CCDC148: variants seen among roughly 807,000 people sequenced by gnomAD.
The protein encoded by CCDC148 is coiled-coil domain containing 148.
CCDC148 carries 89 observed loss-of-function variants against 85.7 expected under a neutral mutation model. The ratio of observed to expected loss-of-function variants is 1.04; its 90% CI spans 0.87 to 1.24. CCDC148 has a LOEUF of 1.24. Among genes scored for constraint, CCDC148 ranks in the 50% most tolerant of loss-of-function variants. The pLI is 0.00. For synonymous variants in CCDC148, 230 were observed against 213.9 expected (o/e 1.08, Z -0.66); for missense variants, 692 against 671.7 (o/e 1.03, Z -0.33).
At chr2:158,298,920 A>G (rs1326450437) in intron 9 of CCDC148, among the ~76,000 whole-genome samples, 2 of 151,958 alleles carry the variant, frequency 1.3e-5, no homozygotes, top group Non-Finnish European at 2.9e-5. Flanking sequence ...GGTAATTTTC[A>G]TCATATTTTG....
intron 10 of CCDC148, among the ~76,000 whole-genome samples, chr2:158,234,656 C>T (rs1489723113): frequency 1.3e-5 from 2 of 152,026 alleles, no homozygotes; most frequent in Non-Finnish European, 2.9e-5. Context: ...TCCCAAGTTG[C>T]AAGATTTGCA....
intron 11 of CCDC148, among the ~76,000 whole-genome samples, chr2:158,216,980 C>T (rs976521224): frequency 4.6e-5 from 7 of 152,028 alleles, no homozygotes; most frequent in African/African-American, 1.7e-4. Flanking sequence ...AGTTAAATAA[C>T]TCATCTAAAG....
intron 11 of CCDC148, among the ~76,000 whole-genome samples, chr2:158,187,529 G>A (rs1685211880): frequency 6.6e-6 from 1 of 151,954 alleles, no homozygotes; most frequent in South Asian, 2.1e-4. Context: ...TCTGGCCTCT[G>A]TCCACTCCAC....
chr2:158,378,617 G>C (rs1036921578), intron 1 of CCDC148, among the ~76,000 whole-genome samples: 1 of 152,124 alleles, frequency 6.6e-6, no homozygotes, highest in Admixed American at 6.6e-5. Flanking sequence ...AGATTCAAAG[G>C]ACAGGCTGAC....
At chr2:158,179,034 A>G in intron 11 of CCDC148, 38 bp from the exon 12 acceptor site, 1 of 1,473,754 alleles carries the variant, frequency 6.8e-7, no homozygotes, top group South Asian at 1.1e-5. Context: ...TGGAAGCATC[A>G]TAATAATATT....
chr2:158,360,072 G>C (rs1683864034), intron 1 of CCDC148, among the ~76,000 whole-genome samples: 1 of 152,216 alleles, frequency 6.6e-6, no homozygotes, highest in Non-Finnish European at 1.5e-5. Flanking sequence ...AGTTCCAACT[G>C]GGCGGAGCCC....
chr2:158,401,752 A>G (rs1231284083), intron 1 of CCDC148, among the ~76,000 whole-genome samples: 1 of 152,052 alleles, frequency 6.6e-6, no homozygotes, highest in African/African-American at 2.4e-5. Flanking sequence ...AATGTCCTCA[A>G]GTTGATTCTG....
chr2:158,268,162 T>C (rs1343535549), intron 9 of CCDC148, among the ~76,000 whole-genome samples: 3 of 152,194 alleles, frequency 2.0e-5, no homozygotes, highest in Non-Finnish European at 4.4e-5. Flanking sequence ...ACTGCCAAAC[T>C]GTTTTTCCAA....
At chr2:158,340,917 G>T (rs1167090809) in intron 3 of CCDC148, among the ~76,000 whole-genome samples, 1 of 152,154 alleles carries the variant, frequency 6.6e-6, no homozygotes, top group African/African-American at 2.4e-5. Context: ...CATTGCATGT[G>T]GAGAGGACCC....
chr2:158,316,785 G>A (rs918317542), intron 7 of CCDC148, among the ~76,000 whole-genome samples: 12 of 152,192 alleles, frequency 7.9e-5, no homozygotes, highest in East Asian at 1.9e-4. Flanking sequence ...CATACCCTAC[G>A]TATATACTGA....
intron 7 of CCDC148, among the ~76,000 whole-genome samples, chr2:158,330,050 T>C (rs1303980788): frequency 1.3e-5 from 2 of 152,144 alleles, no homozygotes; most frequent in Non-Finnish European, 2.9e-5. Context: ...CTATGTTGAA[T>C]AGGAGTGGTG....
intron 11 of CCDC148, among the ~76,000 whole-genome samples, chr2:158,179,990 C>T (rs2105262484): frequency 6.6e-6 from 1 of 152,276 alleles, no homozygotes; most frequent in South Asian, 2.1e-4. Context: ...TTTGGGCAGC[C>T]TCCCTTGCCA....
At chr2:158,184,064 C>G (rs573911300) in intron 11 of CCDC148, among the ~76,000 whole-genome samples, 1 of 152,146 alleles carries the variant, frequency 6.6e-6, no homozygotes, top group Admixed American at 6.6e-5. Flanking sequence ...AAAGGCATCA[C>G]TCCTCTAACC....
At chr2:158,383,100 G>A (rs1684945541) in intron 1 of CCDC148, among the ~76,000 whole-genome samples, 2 of 151,788 alleles carry the variant, frequency 1.3e-5, no homozygotes. Flanking sequence ...AGGAGTTCAA[G>A]ACCAGCCTGG....
At chr2:158,258,268 A>G (rs1018863348) in intron 9 of CCDC148, among the ~76,000 whole-genome samples, 2 of 151,888 alleles carry the variant, frequency 1.3e-5, no homozygotes, top group African/African-American at 2.4e-5. Flanking sequence ...AGCTTGAAAA[A>G]CACATCAGAA....
At chr2:158,225,318 A>G (rs1687445759) in intron 10 of CCDC148, among the ~76,000 whole-genome samples, 1 of 152,182 alleles carries the variant, frequency 6.6e-6, no homozygotes, top group African/African-American at 2.4e-5. Flanking sequence ...GTCCTTAGAG[A>G]CCTACAAAGA....
At chr2:158,424,216 A>G (rs1686956099) in intron 1 of CCDC148, among the ~76,000 whole-genome samples, 1 of 152,152 alleles carries the variant, frequency 6.6e-6, no homozygotes, top group East Asian at 1.9e-4. Flanking sequence ...CCCATTACTG[A>G]GTATACACCC....
At chr2:158,342,892 C>T (rs1682801613) in intron 3 of CCDC148, among the ~76,000 whole-genome samples, 1 of 152,148 alleles carries the variant, frequency 6.6e-6, no homozygotes, top group Non-Finnish European at 1.5e-5. Context: ...TTAAGCATAA[C>T]ACAATTTAAA....
intron 7 of CCDC148, among the ~76,000 whole-genome samples, chr2:158,333,060 C>A (rs1693228506): frequency 6.6e-6 from 1 of 151,942 alleles, no homozygotes; most frequent in Non-Finnish European, 1.5e-5. Context: ...TTAGTTATTT[C>A]TTGTCTTCTG....
Sources: gnomAD v4.1 joint callset for allele counts (sites outside exome capture counted in the v4.1 genomes callset) on GRCh38, gnomAD v4.1.1 for gene constraint, MANE v1.5 for transcripts, NCBI Gene and HGNC (gene_info 2026-07-23, HGNC 2026-07-21) for gene names.